The following MEGF11 variants were observed in gnomAD, a reference collection of about 807,000 sequenced individuals.
The protein encoded by MEGF11 is multiple epidermal growth factor-like domains protein 11.
MEGF11 carries 126 observed loss-of-function variants against 146.6 expected under a neutral mutation model. The ratio of observed to expected loss-of-function variants is 0.86; its 90% CI spans 0.74 to 1.00. MEGF11 has a LOEUF of 1.00. Ranked by LOEUF, MEGF11 falls within the 50% of genes least tolerant of loss-of-function variation. The probability of loss-of-function intolerance (pLI) is 0.00; values close to 1 mark genes in which losing one functional copy is unlikely to be tolerated. For missense variants in MEGF11, 1,509 were observed against 1,521.2 expected (o/e 0.99, Z 0.13); for synonymous variants, 532 against 583.4 (o/e 0.91, Z 1.27).
intron 8 of MEGF11, among the ~76,000 whole-genome samples, chr15:65,967,824 G>A (rs2081159784): frequency 6.6e-6 from 1 of 152,140 alleles, no homozygotes. Context: ...GGAGTGATCT[G>A]GCAGAATAGT....
intron 9 of MEGF11, among the ~76,000 whole-genome samples, chr15:65,961,291 T>C (rs2080849265): frequency 6.6e-6 from 1 of 152,226 alleles, no homozygotes; most frequent in Admixed American, 6.5e-5. Context: ...TCTGGTTTTT[T>C]CTTTTCTCCC....
chr15:66,168,844 C>T (rs971336136), intron 1 of MEGF11, among the ~76,000 whole-genome samples: 5 of 152,014 alleles, frequency 3.3e-5, no homozygotes, highest in South Asian at 4.1e-4. Flanking sequence ...AAAATTTAGC[C>T]GGGCGTGGTG....
chr15:65,965,163 C>T (rs1300659060), intron 8 of MEGF11, 43 bp from the exon 9 acceptor site: 2 of 1,479,896 alleles, frequency 1.4e-6, no homozygotes, highest in Non-Finnish European at 1.8e-6. Context: ...GGCCAGGATC[C>T]CTCACCTGTG....
At chr15:66,015,813 A>G (rs2082865775) in intron 5 of MEGF11, among the ~76,000 whole-genome samples, 1 of 150,884 alleles carries the variant, frequency 6.6e-6, no homozygotes, top group Admixed American at 6.6e-5. Context: ...CCACAGCCTG[A>G]GAGGACGATG....
At chr15:66,109,905 C>T (rs1177178998) in intron 4 of MEGF11, among the ~76,000 whole-genome samples, 1 of 152,164 alleles carries the variant, frequency 6.6e-6, no homozygotes, top group South Asian at 2.1e-4. Context: ...CGTGCCTGGC[C>T]CTGGGGAAAG....
At chr15:66,016,785 C>T (rs1038330198) in intron 5 of MEGF11, among the ~76,000 whole-genome samples, 1 of 152,082 alleles carries the variant, frequency 6.6e-6, no homozygotes, top group Non-Finnish European at 1.5e-5. Context: ...ATTCAAATGC[C>T]GTGGGAATTA....
intron 9 of MEGF11, among the ~76,000 whole-genome samples, chr15:65,962,074 G>T (rs192959228): frequency 1.4e-4 from 22 of 152,288 alleles, no homozygotes; most frequent in African/African-American, 5.3e-4. Context: ...TTGAGGGCAG[G>T]ACTCAGAAGT....
At chr15:65,941,605 T>G (rs2079994455) in intron 10 of MEGF11, among the ~76,000 whole-genome samples, 1 of 152,242 alleles carries the variant, frequency 6.6e-6, no homozygotes, top group Non-Finnish European at 1.5e-5. Context: ...TCCTCTGTAT[T>G]GATGCTCTTG....
At chr15:66,026,018 A>G (rs1031412926) in intron 5 of MEGF11, among the ~76,000 whole-genome samples, 7 of 152,232 alleles carry the variant, frequency 4.6e-5, no homozygotes, top group Admixed American at 1.3e-4. Flanking sequence ...TTAGCCCCAC[A>G]TTAGAATCAC....
At chr15:66,187,154 CAT>C (rs1237364915) in intron 1 of MEGF11, among the ~76,000 whole-genome samples, 1 of 152,186 alleles carries the variant, frequency 6.6e-6, no homozygotes, top group Non-Finnish European at 1.5e-5. Flanking sequence ...AATCTTAAAA[CAT>C]ATTGTTTTGG....
chr15:66,107,454 G>A (rs979695319), intron 4 of MEGF11, among the ~76,000 whole-genome samples: 3 of 152,166 alleles, frequency 2.0e-5, no homozygotes, highest in Admixed American at 6.5e-5. Context: ...GAGGAGCTCC[G>A]TCCCTCCCAC....
chr15:66,079,999 A>G (rs1399067000), intron 5 of MEGF11, among the ~76,000 whole-genome samples: 3 of 152,210 alleles, frequency 2.0e-5, no homozygotes. Flanking sequence ...GAGGAGACTC[A>G]TATCTCCGCT....
intron 4 of MEGF11, among the ~76,000 whole-genome samples, chr15:66,107,827 G>A (rs7173121): frequency 0.035 from 5,364 of 152,230 alleles, 295 homozygotes; most frequent in African/African-American, 0.12. Context: ...CAGCCTGCAC[G>A]TTCCAGCACT....
At chr15:66,013,030 G>A (rs1021171019) in intron 5 of MEGF11, among the ~76,000 whole-genome samples, 1 of 152,166 alleles carries the variant, frequency 6.6e-6, no homozygotes, top group African/African-American at 2.4e-5. Context: ...CTCCTCTTTC[G>A]CCTTGTCATT....
chr15:66,060,478 G>A (rs554874756), intron 5 of MEGF11, among the ~76,000 whole-genome samples: 11 of 152,300 alleles, frequency 7.2e-5, no homozygotes, highest in South Asian at 6.2e-4. Context: ...CAGCCTCCAC[G>A]CCTTTGCGCA....
chr15:66,229,078 A>G (rs2091911294), intron 1 of MEGF11, among the ~76,000 whole-genome samples: 1 of 151,890 alleles, frequency 6.6e-6, no homozygotes, highest in African/African-American at 2.4e-5. Flanking sequence ...TTTATTAAGC[A>G]CTCATCAAAT....
chr15:66,152,506 G>C (rs2089607157), intron 1 of MEGF11, among the ~76,000 whole-genome samples: 1 of 152,190 alleles, frequency 6.6e-6, no homozygotes, highest in African/African-American at 2.4e-5. Context: ...GCTGACCCTT[G>C]ATATCTGACC....
intron 1 of MEGF11, among the ~76,000 whole-genome samples, chr15:66,218,596 A>T (rs2091645525): frequency 6.6e-6 from 1 of 152,172 alleles, no homozygotes. Context: ...CAAAATGTGG[A>T]ACTTTCGTTT....
intron 1 of MEGF11, among the ~76,000 whole-genome samples, chr15:66,198,896 G>A (rs1021649003): frequency 3.3e-5 from 5 of 152,134 alleles, no homozygotes; most frequent in African/African-American, 4.8e-5. Flanking sequence ...TTACAGGCAT[G>A]AGCCACCATG....
Sources: allele counts gnomAD v4.1 joint callset (sites outside exome capture counted in the v4.1 genomes callset), GRCh38; gene constraint gnomAD v4.1.1; transcripts MANE v1.5; gene names NCBI Gene and HGNC (gene_info 2026-07-23, HGNC 2026-07-21).